The following XKRX variants were observed in gnomAD, a reference collection of about 807,000 sequenced individuals.
XKRX encodes the protein XK-related protein 2.
A neutral mutation model predicts 22.4 loss-of-function variants in XKRX; 11 were observed. The ratio of observed to expected loss-of-function variants is 0.49; its 90% CI spans 0.31 to 0.81. The LOEUF is 0.81. XKRX is among the 40% of genes least tolerant of loss of function. XKRX has a pLI of 0.05. For synonymous variants in XKRX, 114 were observed against 132.2 expected, an observed-to-expected ratio of 0.86 and a Z score of 0.94; for missense variants, 320 against 336.5, an observed-to-expected ratio of 0.95 and a Z score of 0.38.
chrX:100,957,277 G>T, the XKRX span: 1 of 993,145 alleles, frequency 1.0e-6, no homozygotes, highest in Non-Finnish European at 1.4e-6. Flanking sequence ...AAAGGTTGGG[G>T]TGGAGAAGAT....
chrX:100,888,215 T>A, the XKRX span: 1 of 955,178 alleles, frequency 1.0e-6, no homozygotes, highest in Non-Finnish European at 1.5e-6. Context: ...TCCATGCTGT[T>A]CAAAATAATC....
chrX:100,910,383 C>A (rs2147935351), downstream of XKRX, among the ~76,000 whole-genome samples: 1 of 110,108 alleles, frequency 9.1e-6, no homozygotes, highest in Non-Finnish European at 1.9e-5. Flanking sequence ...GTCGGGAGTT[C>A]AAGACCAGCC....
intron 1 of XKRX, 45 bp from the exon 2 acceptor site, chrX:100,923,106 G>A: frequency 8.4e-7 from 1 of 1,195,509 alleles, no homozygotes. Flanking sequence ...GCTGTCCTGG[G>A]AAGGGAGGTT....
At chrX:100,912,114 T>G (rs2085409126), downstream of XKRX, among the ~76,000 whole-genome samples, 1 of 112,055 alleles carries the variant, frequency 8.9e-6, no homozygotes, top group Non-Finnish European at 1.9e-5. Context: ...TATTGTTCCA[T>G]GCTGCTCTTG....
intron 2 of XKRX, among the ~76,000 whole-genome samples, chrX:100,917,244 C>T (rs1038499723): frequency 2.7e-5 from 3 of 110,962 alleles, no homozygotes; most frequent in African/African-American, 9.8e-5. Context: ...GAGATTGCCC[C>T]ACTGCACTCC....
chrX:100,894,917 G>C, the XKRX span, among the ~76,000 whole-genome samples: 1 of 112,101 alleles, frequency 8.9e-6, no homozygotes, highest in Non-Finnish European at 1.9e-5. Context: ...ATATCCTGGG[G>C]TATAATTACT....
At chrX:100,888,374 T>G in the XKRX span, 3 of 768,907 alleles carry the variant, frequency 3.9e-6, no homozygotes, top group Middle Eastern at 8.7e-4. Context: ...TGGCCTTGCA[T>G]TCGTGGCTGC....
At chrX:100,951,264 A>C in the XKRX span, among the ~76,000 whole-genome samples, 2 of 101,417 alleles carry the variant, frequency 2.0e-5, no homozygotes, top group East Asian at 6.4e-4. Context: ...AGGAGGACAG[A>C]GGGAGGGAGG....
chrX:100,897,455 T>C, the XKRX span, among the ~76,000 whole-genome samples: 2 of 106,817 alleles, frequency 1.9e-5, no homozygotes. Context: ...TATAGTAGCA[T>C]ATGCCTGTAG....
chrX:100,891,471 T>C, the XKRX span, among the ~76,000 whole-genome samples: 2 of 111,094 alleles, frequency 1.8e-5, no homozygotes, highest in Non-Finnish European at 3.8e-5. Context: ...CAAAACAGCA[T>C]GGTAATGGCA....
chrX:100,923,371 C>A (rs1376575051), intron 1 of XKRX, among the ~76,000 whole-genome samples: 1 of 111,833 alleles, frequency 8.9e-6, no homozygotes, highest in Non-Finnish European at 1.9e-5. Context: ...TGGTCTCAAA[C>A]TCCTGGGCTC....
chrX:100,900,638 T>C, the XKRX span, among the ~76,000 whole-genome samples: 1 of 108,195 alleles, frequency 9.2e-6, no homozygotes, highest in African/African-American at 3.4e-5. Flanking sequence ...CTCGCTTCTG[T>C]AAAATTAAAA....
the XKRX span, among the ~76,000 whole-genome samples, chrX:100,905,927 T>C: frequency 8.9e-6 from 1 of 112,162 alleles, no homozygotes. Flanking sequence ...TTTTAAAAAA[T>C]AATTTAATGA....
At chrX:100,936,240 G>A in the XKRX span, among the ~76,000 whole-genome samples, 1 of 110,838 alleles carries the variant, frequency 9.0e-6, no homozygotes, top group African/African-American at 3.3e-5. Context: ...TTCTCACACT[G>A]CTATAAAGAA....
intron 2 of XKRX, among the ~76,000 whole-genome samples, chrX:100,917,445 C>T (rs1195935863): frequency 1.9e-5 from 2 of 106,650 alleles, no homozygotes; most frequent in Non-Finnish European, 3.8e-5. Flanking sequence ...TGGTGAAACC[C>T]GGTCTCTACT....
At chrX:100,917,722 G>GAAAGAAAGAAAAAT (rs772047288) in intron 2 of XKRX, among the ~76,000 whole-genome samples, 1 of 74,991 alleles carries the variant, frequency 1.3e-5, no homozygotes. Context: ...AAGAAAGAAA[G>GAAAGAAAGAAAAAT]AAATCCTTGG....
intron 1 of XKRX, 23 bp from the exon 2 acceptor site, chrX:100,923,084 A>C: frequency 4.1e-6 from 5 of 1,208,230 alleles, no homozygotes; most frequent in Non-Finnish European, 5.6e-6. Context: ...AGCATCATGC[A>C]AACTTAACTA....
upstream of XKRX, among the ~76,000 whole-genome samples, chrX:100,931,953 A>G (rs1199780732): frequency 8.9e-6 from 1 of 111,795 alleles, no homozygotes; most frequent in Non-Finnish European, 1.9e-5. Context: ...ACCAGAGTGT[A>G]GCACCAAAAT....
the XKRX span, among the ~76,000 whole-genome samples, chrX:100,938,409 A>G: frequency 9.0e-6 from 1 of 111,410 alleles, no homozygotes. Flanking sequence ...CGGGCGGATC[A>G]CCTGAGGTCA....
Sources: gnomAD v4.1 joint callset for allele counts (sites outside exome capture counted in the v4.1 genomes callset) on GRCh38, gnomAD v4.1.1 for gene constraint, MANE v1.5 for transcripts, NCBI Gene and HGNC (gene_info 2026-07-23, HGNC 2026-07-21) for gene names.